Variants in ARHGEF10 observed in about 807,000 individuals in gnomAD.
The protein encoded by ARHGEF10 is Rho guanine nucleotide exchange factor 10.
ARHGEF10 carries 140 observed loss-of-function variants against 147.4 expected under a neutral mutation model. The ratio of observed to expected loss-of-function variants is 0.95; its 90% confidence interval spans 0.83 to 1.09. The LOEUF (loss-of-function observed/expected upper bound fraction) is 1.09, where lower values mean the gene tolerates loss of function less well. ARHGEF10 is among the 50% of genes least tolerant of loss of function. The pLI, the probability that ARHGEF10 is intolerant of heterozygous loss-of-function variation, is 0.00. For missense variants in ARHGEF10, 2,222 were observed against 1,752.7 expected (o/e 1.27, Z -4.78); for synonymous variants, 902 against 695.8 (o/e 1.30, Z -4.67).
chr8:1,874,015 G>T (rs1271756815), intron 7 of ARHGEF10, among the ~76,000 whole-genome samples: 1 of 152,246 alleles, frequency 6.6e-6, no homozygotes, highest in Non-Finnish European at 1.5e-5. Context: ...CGACAAGATT[G>T]TCATCGAGGA....
chr8:1,862,950 T>C (rs1170001806), intron 4 of ARHGEF10, among the ~76,000 whole-genome samples: 2 of 151,472 alleles, frequency 1.3e-5, no homozygotes, highest in Non-Finnish European at 2.9e-5. Flanking sequence ...GGCTAATTTT[T>C]TGTATTTTTT....
At chr8:1,915,528 A>G (rs1811696939) in intron 18 of ARHGEF10, among the ~76,000 whole-genome samples, 2 of 152,190 alleles carry the variant, frequency 1.3e-5, no homozygotes, top group Admixed American at 6.5e-5. Context: ...TGGCAGATGG[A>G]CGGAAAGTGG....
chr8:1,935,316 C>G (rs1813494012), intron 26 of ARHGEF10, among the ~76,000 whole-genome samples: 1 of 152,110 alleles, frequency 6.6e-6, no homozygotes, highest in Non-Finnish European at 1.5e-5. Flanking sequence ...AGTCCCTCAT[C>G]ACTCAGGGTC....
chr8:1,947,596 C>T (rs541052277), intron 27 of ARHGEF10, among the ~76,000 whole-genome samples: 19 of 152,096 alleles, frequency 1.2e-4, no homozygotes, highest in South Asian at 1.2e-3. Context: ...GGAAAGCCTG[C>T]GCTCTGGGGA....
chr8:1,949,871 C>T (rs1197220952), intron 27 of ARHGEF10, among the ~76,000 whole-genome samples: 2 of 152,022 alleles, frequency 1.3e-5, no homozygotes, highest in Non-Finnish European at 2.9e-5. Context: ...GAGGGCGAAT[C>T]CCCCTGGTAG....
chr8:1,895,137 T>A (rs1809869029), intron 13 of ARHGEF10, among the ~76,000 whole-genome samples: 1 of 152,236 alleles, frequency 6.6e-6, no homozygotes, highest in Non-Finnish European at 1.5e-5. Flanking sequence ...TTGCAACAGC[T>A]TGCCTGAACA....
chr8:1,957,382 T>G lies in ARHGEF10; in HGVS notation c.*119T>G, dbSNP rs1401658301. On this transcript the variant is annotated 3_prime_UTR_variant, in exon 29 of 29. Coordinates refer to ENST00000349830, the MANE Select transcript of ARHGEF10 (RefSeq NM_014629.4). Reference sequence around the variant, plus strand: ...GTTGGGAATAAATTAAAAACAGTATTTGGGGGAGAAACGTGCAATAGCGTA... The same window carrying G: ...GTTGGGAATAAATTAAAAACAGTATGTGGGGGAGAAACGTGCAATAGCGTA... The G allele has an allele frequency of 6.3e-6, 9 of 1,423,646 alleles. No homozygotes were observed. The highest frequency in any genetic ancestry group is 8.6e-6 in the Non-Finnish European group (9 of 1,052,410). 88.2% of individuals were successfully genotyped at this position (1,423,646 alleles called of 1,614,324 possible).
At chr8:1,884,190 A>G (rs886497544) in intron 10 of ARHGEF10, among the ~76,000 whole-genome samples, 8 of 152,082 alleles carry the variant, frequency 5.3e-5, no homozygotes, top group African/African-American at 7.2e-5. Context: ...TCAGGAGATC[A>G]AGACCATCCT....
At chr8:1,832,899 GACAGAGAGACAGACAGAGGC>G (rs1803280552) in intron 1 of ARHGEF10, among the ~76,000 whole-genome samples, 1 of 104,168 alleles carries the variant, frequency 9.6e-6, no homozygotes, top group African/African-American at 4.0e-5. Flanking sequence ...CAGACGCAGA[GACAGAGAGACAGACAGAGGC>G]AGAGACAGAG....
chr8:1,952,468 C>T (rs1443220952), intron 27 of ARHGEF10, among the ~76,000 whole-genome samples: 1 of 152,238 alleles, frequency 6.6e-6, no homozygotes, highest in Non-Finnish European at 1.5e-5. Flanking sequence ...GAGACCCAAC[C>T]AGACATCTGG....
chr8:1,911,639 G>A (rs547916908), intron 18 of ARHGEF10, among the ~76,000 whole-genome samples: 1 of 152,282 alleles, frequency 6.6e-6, no homozygotes, highest in South Asian at 2.1e-4. Context: ...CGACACGTCT[G>A]GATTCATCCA....
rs546606854 is a variant in ARHGEF10 at position 1,908,422 on chromosome 8, T to C, written c.1968-873T>C. On this transcript the variant is annotated intron_variant, in intron 17 of 28. Transcript: ENST00000349830. Reference sequence around the variant, plus strand: ...ATTTTTTAAATATTTTTAGTAGAGATGGGGTGTCACTGTGTTAGCCAGGAT... The same window carrying C: ...ATTTTTTAAATATTTTTAGTAGAGACGGGGTGTCACTGTGTTAGCCAGGAT... Among the ~76,000 whole-genome samples the C allele has an allele frequency of 2.0e-3, 304 of 152,012 alleles. 2 individuals are homozygous for C. Among genetic ancestry groups the C allele is most frequent in the African/African-American group, 6.2e-3 (257 of 41,438 alleles).
At chr8:1,852,278 C>G (rs1251265279) in intron 2 of ARHGEF10, among the ~76,000 whole-genome samples, 5 of 111,884 alleles carry the variant, frequency 4.5e-5, no homozygotes, top group Non-Finnish European at 9.2e-5. Flanking sequence ...TAGAACCTCT[C>G]CATCATCCTG....
chr8:1,909,173 GA>G (rs1811155840), intron 17 of ARHGEF10, 121 bp from the exon 18 acceptor site: 2 of 1,378,024 alleles, frequency 1.5e-6, no homozygotes, highest in South Asian at 2.4e-5. Context: ...ACTATTGTGA[GA>G]AAGTCTGAAG....
chr8:1,950,028 C>G (rs1005681320), intron 27 of ARHGEF10, among the ~76,000 whole-genome samples: 5 of 152,254 alleles, frequency 3.3e-5, no homozygotes, highest in Middle Eastern at 3.4e-3. Flanking sequence ...TCTGTGGCTG[C>G]CTGCAGAAGG....
In ARHGEF10 at chr8:1,958,267, G is replaced by T. The variant is rs759006036; in HGVS notation, c.*1004G>T. 1 of 152,256 alleles carries T rather than the reference G, an allele frequency of 6.6e-6. No individual in the cohort carries two copies. 9.4% of individuals were successfully genotyped at this position (152,256 alleles called of 1,614,324 possible). A position where few individuals can be genotyped will look rare whatever the true frequency, so the allele number is the denominator to read the frequency against. On this transcript the variant is annotated 3_prime_UTR_variant, in exon 29 of 29. Transcript: ENST00000349830. ...GGCGTGACCTCGGGCCAGCCTGTCTGTTGTGCAGACGCCTCCTCTGCAGAA... is the reference window on the plus strand; with the variant it reads ...GGCGTGACCTCGGGCCAGCCTGTCTTTTGTGCAGACGCCTCCTCTGCAGAA...
intron 8 of ARHGEF10, among the ~76,000 whole-genome samples, chr8:1,879,118 G>A (rs1000740494): frequency 5.9e-5 from 9 of 152,170 alleles, no homozygotes; most frequent in Admixed American, 2.0e-4. Context: ...AAAAAATCTC[G>A]AATTTTGTTA....
intron 8 of ARHGEF10, among the ~76,000 whole-genome samples, chr8:1,877,412 G>C (rs911224257): frequency 2.0e-5 from 3 of 152,136 alleles, no homozygotes; most frequent in Admixed American, 6.5e-5. Context: ...ATTTTTATTA[G>C]AGATGGGGTT....
intron 4 of ARHGEF10, among the ~76,000 whole-genome samples, chr8:1,861,281 C>T (rs1336074494): frequency 1.3e-5 from 2 of 152,238 alleles, no homozygotes; most frequent in Non-Finnish European, 1.5e-5. Flanking sequence ...GTCTGCAGAG[C>T]CACAGGGTTC....
Sources: gnomAD v4.1 joint callset for allele counts (sites outside exome capture counted in the v4.1 genomes callset) on GRCh38, gnomAD v4.1.1 for gene constraint, MANE v1.5 for transcripts, NCBI Gene and HGNC (gene_info 2026-07-23, HGNC 2026-07-21) for gene names.